Variants in ADGRG6 observed in about 807,000 individuals in gnomAD.
ADGRG6 encodes adhesion G protein-coupled receptor G6.
Under a neutral mutation model 142.4 loss-of-function variants are expected in ADGRG6, and 84 were observed. The observed-to-expected ratio is 0.59, with a 90% CI of 0.49 to 0.71. The LOEUF (loss-of-function observed/expected upper bound fraction) is 0.71, where lower values mean the gene tolerates loss of function less well. Ranked by LOEUF, ADGRG6 falls within the 30% of genes least tolerant of loss-of-function variation. The pLI, the probability that ADGRG6 is intolerant of heterozygous loss-of-function variation, is 0.00. For synonymous variants in ADGRG6, 521 were observed against 520.5 expected, an observed-to-expected ratio of 1.00 and a Z score of -0.01; for missense variants, 1,367 against 1,466.6, an observed-to-expected ratio of 0.93 and a Z score of 1.11.
chr6:142,443,488 C>T lies in ADGRG6; in HGVS notation c.3726C>T (p.Asp1242=). 1.2e-6 allele frequency: 2 copies of T among 1,610,064 alleles called. No homozygotes were observed. The highest frequency in any genetic ancestry group is 1.7e-6 in the Non-Finnish European group (2 of 1,177,392). ...TCTATAAAAATATTATCATGTCAGA[C>T]ACCTTCAGCCACAGCACAAAGTTTT... ...DNFYKNIIMS[D]TFSHSTKF The change falls in exon 25 of 25, where the codon GAC becomes GAT. Residue 1242 remains aspartate, a synonymous_variant. Coordinates refer to ENST00000367609, the MANE Select transcript of ADGRG6 (RefSeq NM_198569.3).
At chr6:142,318,238 A>G (rs1416918815) in intron 2 of ADGRG6, among the ~76,000 whole-genome samples, 6 of 66,826 alleles carry the variant, frequency 9.0e-5, no homozygotes, top group Non-Finnish European at 1.6e-4. Context: ...TATATTATAT[A>G]TATTTATATA....
intron 4 of ADGRG6, among the ~76,000 whole-genome samples, chr6:142,375,175 T>A (rs1244059768): frequency 6.6e-6 from 1 of 152,204 alleles, no homozygotes; most frequent in Non-Finnish European, 1.5e-5. Context: ...TCTCATAATT[T>A]CTTAAACTCT....
intron 6 of ADGRG6, among the ~76,000 whole-genome samples, chr6:142,387,785 A>ACAT (rs1488018942): frequency 6.6e-6 from 1 of 152,236 alleles, no homozygotes; most frequent in Non-Finnish European, 1.5e-5. Flanking sequence ...TTGTTTTGAT[A>ACAT]CATTGGTAAT....
rs369946839 is a variant in ADGRG6, at chr6:142,415,998, G to A, written c.2872G>A (p.Ala958Thr). The change falls in exon 20 of 25, where the codon GCT (alanine) becomes ACT (threonine). Residue 958 changes from alanine to threonine, a missense_variant. Transcript: ENST00000367609. ...MGLEAIHMYI[A>T]LVKVFNTYIR... Reference sequence around the variant, plus strand: ...GCTAGAAGCAATTCACATGTACATTGCTCTAGTTAAAGTATTTAACACTTA... The same window carrying A: ...GCTAGAAGCAATTCACATGTACATTACTCTAGTTAAAGTATTTAACACTTA... The A allele has an allele frequency of 3.4e-5, 55 of 1,611,528 alleles. No individual in the cohort carries two copies. The highest frequency in any genetic ancestry group is 4.5e-5 in the Non-Finnish European group (53 of 1,177,980).
At chr6:142,312,067 C>G (rs1269521276) in intron 2 of ADGRG6, among the ~76,000 whole-genome samples, 1 of 152,000 alleles carries the variant, frequency 6.6e-6, no homozygotes, top group East Asian at 1.9e-4. Context: ...CCCTATCCCT[C>G]AATTCAAAGG....
At chr6:142,402,109 A>G in intron 12 of ADGRG6, 51 bp downstream of exon 12, 2 of 812,370 alleles carry the variant, frequency 2.5e-6, no homozygotes, top group Non-Finnish European at 4.1e-6. Context: ...ACATGACTTC[A>G]TGCTTCATGA....
intron 9 of ADGRG6, among the ~76,000 whole-genome samples, chr6:142,396,142 TATTCAAGACAAGTAAAAGGTC>T (rs1775183545): frequency 6.6e-6 from 1 of 152,194 alleles, no homozygotes; most frequent in South Asian, 2.1e-4. Flanking sequence ...ATGTTCTCAG[TATTCAAGACAAGTAAAAGGTC>T]ACATTCCCAG....
At chr6:142,332,805 C>T (rs981914893) in intron 2 of ADGRG6, among the ~76,000 whole-genome samples, 3 of 152,102 alleles carry the variant, frequency 2.0e-5, no homozygotes, top group Non-Finnish European at 2.9e-5. Flanking sequence ...AGTAAAGGAC[C>T]ATAATATGGG....
intron 2 of ADGRG6, among the ~76,000 whole-genome samples, chr6:142,336,039 C>G (rs1388162855): frequency 2.6e-5 from 4 of 152,144 alleles, no homozygotes; most frequent in Non-Finnish European, 4.4e-5. Context: ...TTACATTAGT[C>G]AAAGTTTTGC....
intron 1 of ADGRG6, among the ~76,000 whole-genome samples, chr6:142,306,304 C>T (rs1308615313): frequency 6.6e-6 from 1 of 152,162 alleles, no homozygotes; most frequent in African/African-American, 2.4e-5. Flanking sequence ...ATCATATCGA[C>T]ATTTAAAGCA....
chr6:142,378,263 A>G (rs1781591802), intron 4 of ADGRG6, among the ~76,000 whole-genome samples: 1 of 152,160 alleles, frequency 6.6e-6, no homozygotes, highest in Non-Finnish European at 1.5e-5. Context: ...CACAACACTG[A>G]GCCCTTATCT....
intron 2 of ADGRG6, among the ~76,000 whole-genome samples, chr6:142,347,069 A>C (rs1164245013): frequency 6.6e-6 from 1 of 152,184 alleles, no homozygotes; most frequent in Non-Finnish European, 1.5e-5. Flanking sequence ...GATTCATCTA[A>C]ATTAATATAA....
chr6:142,329,586 A>G (rs529910276), intron 2 of ADGRG6, among the ~76,000 whole-genome samples: 1 of 152,256 alleles, frequency 6.6e-6, no homozygotes, highest in South Asian at 2.1e-4. Context: ...TGAATTTAAT[A>G]TAAACTAGCA....
intron 22 of ADGRG6, among the ~76,000 whole-genome samples, chr6:142,422,457 T>G (rs1376964658): frequency 1.3e-4 from 20 of 152,122 alleles, no homozygotes; most frequent in African/African-American, 3.9e-4. Flanking sequence ...GAATGATGAT[T>G]TCCAATTTCA....
chr6:142,308,688 G>A (rs1305905250), intron 1 of ADGRG6, among the ~76,000 whole-genome samples: 1 of 151,364 alleles, frequency 6.6e-6, no homozygotes. Context: ...CAACTCTTCT[G>A]CTCACCAGTC....
intron 2 of ADGRG6, among the ~76,000 whole-genome samples, chr6:142,338,067 C>T (rs1779431073): frequency 1.1e-5 from 1 of 90,036 alleles, no homozygotes; most frequent in Non-Finnish European, 2.1e-5. Context: ...GTCACCCAGG[C>T]TGGAGTGCAG....
chr6:142,410,168 C>A (rs1388168292), intron 17 of ADGRG6, among the ~76,000 whole-genome samples: 1 of 152,024 alleles, frequency 6.6e-6, no homozygotes, highest in Non-Finnish European at 1.5e-5. Context: ...AGTTGAACAA[C>A]CTCTTTGACA....
At chr6:142,338,325 A>C (rs775151145) in intron 2 of ADGRG6, among the ~76,000 whole-genome samples, 19 of 151,746 alleles carry the variant, frequency 1.3e-4, no homozygotes, top group Non-Finnish European at 2.6e-4. Flanking sequence ...TGTATCTTTG[A>C]TAGTGTATTG....
chr6:142,413,649 A>G (rs1022450293), intron 18 of ADGRG6, among the ~76,000 whole-genome samples: 5 of 152,186 alleles, frequency 3.3e-5, no homozygotes, highest in Admixed American at 3.3e-4. Flanking sequence ...CTGATGAATC[A>G]TTGGTTGAGT....
Sources: allele counts gnomAD v4.1 joint callset (sites outside exome capture counted in the v4.1 genomes callset), GRCh38; gene constraint gnomAD v4.1.1; transcripts MANE v1.5; gene names NCBI Gene and HGNC (gene_info 2026-07-23, HGNC 2026-07-21).